The following PPFIA1 variants were observed in gnomAD, a reference collection of about 807,000 sequenced individuals.
The protein encoded by PPFIA1 is PPFI scaffold protein A1, also known as liprin-alpha-1.
A neutral mutation model predicts 149.9 loss-of-function variants in PPFIA1; 25 were observed. That is an observed-to-expected ratio of 0.17 (90% confidence interval 0.12 to 0.23). PPFIA1 has a LOEUF of 0.23. Among genes scored for constraint, PPFIA1 ranks in the 10% least tolerant of loss-of-function variants. PPFIA1 has a pLI of 1.00. For missense variants in PPFIA1, 1,362 were observed against 1,506.5 expected (o/e 0.90, Z 1.59); for synonymous variants, 549 against 552.8 (o/e 0.99, Z 0.10).
intron 25 of PPFIA1, 76 bp from the exon 26 acceptor site, chr11:70,377,954 T>G (rs962581461): frequency 2.8e-5 from 33 of 1,174,290 alleles, no homozygotes; most frequent in Admixed American, 1.7e-4. Flanking sequence ...AGCAGTCATT[T>G]TAAAGGACAT....
intron 2 of PPFIA1, among the ~76,000 whole-genome samples, chr11:70,309,117 G>A (rs1457763444): frequency 6.6e-6 from 1 of 151,078 alleles, no homozygotes; most frequent in Non-Finnish European, 1.5e-5. Context: ...GAATTCTGAA[G>A]TATATGAAAT....
chr11:70,375,144 A>C (rs1443756239), intron 24 of PPFIA1, 51 bp downstream of exon 24: 2 of 849,522 alleles, frequency 2.4e-6, no homozygotes, highest in Non-Finnish European at 3.2e-6. Context: ...TGGCACCCTG[A>C]TTATAGACAG....
chr11:70,335,601 A>T lies in PPFIA1; in HGVS notation c.1335A>T (p.Lys445Asn), dbSNP rs1279166169. The T allele has an allele frequency of 6.2e-7, 1 of 1,613,898 alleles. No homozygotes were observed. Among genetic ancestry groups the T allele is most frequent in the Non-Finnish European group, 8.5e-7 (1 of 1,179,992 alleles). Reference sequence around the variant, plus strand: ...AAAAAATGAACGAAGAACATAATAAACGTTTATCAGACACTGTTGACAAGC... The same window carrying T: ...AAAAAATGAACGAAGAACATAATAATCGTTTATCAGACACTGTTGACAAGC... ...QREKMNEEHNKRLSDTVDKLL... is the reference protein window; with the variant it reads ...QREKMNEEHNNRLSDTVDKLL... Residue 445 changes from lysine (K) to asparagine (N), a missense_variant, in exon 11 of 28, where the codon AAA (lysine) becomes AAT (asparagine). Lys to Asn is a moderately conservative substitution (Grantham distance 94). Transcript: ENST00000253925.
intron 9 of PPFIA1, among the ~76,000 whole-genome samples, chr11:70,332,471 TC>T (rs2054725002): frequency 6.6e-6 from 1 of 152,202 alleles, no homozygotes; most frequent in Non-Finnish European, 1.5e-5. Context: ...GATAAATTCT[TC>T]ATAAACACAT....
chr11:70,303,866 C>CGTG (rs2052663513), intron 2 of PPFIA1, among the ~76,000 whole-genome samples: 1 of 152,096 alleles, frequency 6.6e-6, no homozygotes, highest in Non-Finnish European at 1.5e-5. Flanking sequence ...ATTAGCCAGG[C>CGTG]GTGGTGGTGT....
intron 2 of PPFIA1, among the ~76,000 whole-genome samples, chr11:70,315,434 T>C (rs1343161220): frequency 6.6e-6 from 1 of 152,192 alleles, no homozygotes; most frequent in Non-Finnish European, 1.5e-5. Flanking sequence ...TAGCATACTT[T>C]TAATCGTGGC....
At chr11:70,360,223 G>T (rs2056569079) in intron 19 of PPFIA1, among the ~76,000 whole-genome samples, 1 of 152,250 alleles carries the variant, frequency 6.6e-6, no homozygotes, top group South Asian at 2.1e-4. Context: ...TTCTGGAAAA[G>T]ACTTTTTATA....
chr11:70,314,443 A>G (rs2053473298), intron 2 of PPFIA1, among the ~76,000 whole-genome samples: 1 of 152,194 alleles, frequency 6.6e-6, no homozygotes, highest in East Asian at 1.9e-4. Flanking sequence ...AGCATTGTTT[A>G]GAAAGACAGA....
At chr11:70,340,179 T>A (rs1455289954) in intron 14 of PPFIA1, among the ~76,000 whole-genome samples, 1 of 151,212 alleles carries the variant, frequency 6.6e-6, no homozygotes, top group African/African-American at 2.4e-5. Context: ...TGGTAGTGTG[T>A]GCCTATAGTC....
chr11:70,298,383 A>G (rs1190183198), intron 2 of PPFIA1, among the ~76,000 whole-genome samples: 1 of 152,196 alleles, frequency 6.6e-6, no homozygotes, highest in Non-Finnish European at 1.5e-5. Flanking sequence ...AAACCATAGA[A>G]ATACTTGTTC....
intron 16 of PPFIA1, among the ~76,000 whole-genome samples, chr11:70,351,225 T>G (rs892325713): frequency 6.6e-6 from 1 of 152,258 alleles, no homozygotes; most frequent in South Asian, 2.1e-4. Flanking sequence ...CACAGAACAC[T>G]GGGACAAATG....
In PPFIA1 at chr11:70,356,247, C is replaced by CA; in HGVS notation, c.2582dup (p.His862AlafsTer2). On this transcript the variant is annotated frameshift_variant, in exon 19 of 28. Coordinates refer to ENST00000253925, the MANE Select transcript of PPFIA1 (RefSeq NM_003626.5). LOFTEE classifies it high-confidence loss of function. ...ACAGGCTGAAAAAAATCGTAAACTT[C>CA]AAAAAAAGTAAGCTTTGTGTTATTT... 2 of 1,610,084 alleles carry CA rather than the reference C, an allele frequency of 1.2e-6. No individual in the cohort carries two copies. The highest frequency in any genetic ancestry group is 1.3e-5 in the African/African-American group (1 of 74,626).
intron 2 of PPFIA1, among the ~76,000 whole-genome samples, chr11:70,292,853 G>T (rs191737963): frequency 1.3e-5 from 2 of 152,366 alleles, no homozygotes; most frequent in African/African-American, 4.8e-5. Flanking sequence ...GGGCACAACA[G>T]TATCCTTCAG....
intron 2 of PPFIA1, among the ~76,000 whole-genome samples, chr11:70,306,953 A>G (rs1002378149): frequency 2.6e-5 from 4 of 152,194 alleles, no homozygotes; most frequent in African/African-American, 9.7e-5. Context: ...CACAGAAAAC[A>G]TATTGCTTCC....
At chr11:70,365,550 A>G (rs2056880407) in intron 21 of PPFIA1, 4 of 409,140 alleles carry the variant, frequency 9.8e-6, no homozygotes, top group South Asian at 7.0e-5. Context: ...GTCGTTCCAG[A>G]TAAGTATTTC....
chr11:70,335,771 G>C lies in PPFIA1; in HGVS notation c.1428+77G>C, dbSNP rs148844309. 6 of 1,515,660 alleles carry C rather than the reference G, an allele frequency of 4.0e-6. No individual in the cohort carries two copies. In the Admixed American group the frequency reaches 7.2e-5, roughly 18 times the overall value. 93.9% of individuals were successfully genotyped at this position (1,515,660 alleles called of 1,614,324 possible). A position where few individuals can be genotyped will look rare whatever the true frequency, so the allele number is the denominator to read the frequency against. ...ATTGCTCATCTGCCCCTGAGCAGGCGTGTGTAACAGTGGTTAGCAGCTGTT... is the reference window on the plus strand; with the variant it reads ...ATTGCTCATCTGCCCCTGAGCAGGCCTGTGTAACAGTGGTTAGCAGCTGTT... On this transcript the variant is annotated intron_variant, in intron 11 of 27. Transcript: ENST00000253925.
In PPFIA1 at chr11:70,368,602, C is replaced by T. The variant is rs146122616; in HGVS notation, c.2866-3613C>T. Among the ~76,000 whole-genome samples the T allele has an allele frequency of 1.9e-3, 284 of 152,222 alleles. 2 individuals are homozygous for T. Among genetic ancestry groups the T allele is most frequent in the African/African-American group, 6.7e-3 (278 of 41,532 alleles). ...TTGCATGCATTCTGTTAGATTTATC[C>T]CTGAGGATTTTGCAGGTTTTGATGC... is the stretch of plus-strand genomic sequence containing the variant. On this transcript the variant is annotated intron_variant, in intron 21 of 27. Coordinates refer to ENST00000253925, the MANE Select transcript of PPFIA1 (RefSeq NM_003626.5).
chr11:70,288,948 A>G (rs1162571779), intron 2 of PPFIA1, among the ~76,000 whole-genome samples: 16 of 146,922 alleles, frequency 1.1e-4, no homozygotes. Flanking sequence ...GGCCACTGTC[A>G]CGGGGGTAGC....
chr11:70,379,041 C>T (rs926579439), intron 26 of PPFIA1, among the ~76,000 whole-genome samples: 4 of 152,082 alleles, frequency 2.6e-5, no homozygotes, highest in African/African-American at 7.2e-5. Context: ...GTAAAATGGT[C>T]GTCATGGTAG....
Sources: allele counts gnomAD v4.1 joint callset (sites outside exome capture counted in the v4.1 genomes callset), GRCh38; gene constraint gnomAD v4.1.1; transcripts MANE v1.5; gene names NCBI Gene and HGNC (gene_info 2026-07-23, HGNC 2026-07-21).